Variants in THSD7B observed in about 807,000 individuals in gnomAD.
THSD7B encodes the protein thrombospondin type-1 domain-containing protein 7B.
Under a neutral mutation model 213.6 loss-of-function variants are expected in THSD7B, and 138 were observed. The observed-to-expected ratio is 0.65, with a 90% CI of 0.56 to 0.74. THSD7B has a LOEUF of 0.74. Ranked by LOEUF, THSD7B falls within the 30% of genes least tolerant of loss-of-function variation. THSD7B has a pLI of 0.00. For missense variants in THSD7B, 1,931 were observed against 1,991.5 expected, an observed-to-expected ratio of 0.97 and a Z score of 0.58; for synonymous variants, 742 against 687.0, an observed-to-expected ratio of 1.08 and a Z score of -1.25.
rs886065843 is a variant in THSD7B, at chr2:137,109,776, C to T, written c.1200-5348C>T. Among the ~76,000 whole-genome samples the T allele has an allele frequency of 4.2e-5, 4 of 95,436 alleles. No homozygotes were observed. The South Asian group carries it at 9.1e-4, about 22-fold the overall frequency. 62.6% of individuals were successfully genotyped at this position (95,436 alleles called of 152,430 possible). On this transcript the variant is annotated intron_variant, in intron 4 of 27. Coordinates refer to ENST00000409968, the MANE Select transcript of THSD7B (RefSeq NM_001316349.2). ...TCACTTGCTCACCTGCTGCTCACCT[C>T]CTGCTGTGAGACCTGGTTCCTAACA...
chr2:136,876,858 G>A (rs1683533305), intron 1 of THSD7B, among the ~76,000 whole-genome samples: 1 of 152,170 alleles, frequency 6.6e-6, no homozygotes, highest in Non-Finnish European at 1.5e-5. Flanking sequence ...AGCAGAGCAG[G>A]CACTGATGGG....
Position 137,125,961 on chromosome 2 carries a change from TTGTTTTC to T in THSD7B, c.1369+10671_1369+10677del, listed in dbSNP as rs562741798. On this transcript the variant is annotated intron_variant, in intron 5 of 27. Coordinates refer to ENST00000409968, the MANE Select transcript of THSD7B (RefSeq NM_001316349.2). ...AGTAATAGTCTGAAGGGAATCTCTT[TTGTTTTC>T]TGAGCAGTAGGCCTCAACAGTGGGC... Among the ~76,000 whole-genome samples the T allele has an allele frequency of 1.1e-3, 169 of 152,310 alleles. 1 individual carries two copies. The East Asian group carries it at 0.026, about 24-fold the overall frequency.
chr2:137,513,948 C>T (rs1680018903), intron 15 of THSD7B, among the ~76,000 whole-genome samples: 3 of 152,202 alleles, frequency 2.0e-5, no homozygotes, highest in African/African-American at 7.2e-5. Context: ...TTATATGCCT[C>T]AAAGTAGCAA....
At chr2:137,657,888 TGTTTAGTACAGACAG>T (rs1683268954) in intron 24 of THSD7B, among the ~76,000 whole-genome samples, 1 of 152,006 alleles carries the variant, frequency 6.6e-6, no homozygotes. Context: ...CTAATTTTTG[TGTTTAGTACAGACAG>T]GGTTTCACCA....
At chr2:136,979,123 A>G (rs556618537) in intron 2 of THSD7B, among the ~76,000 whole-genome samples, 4 of 151,998 alleles carry the variant, frequency 2.6e-5, no homozygotes, top group East Asian at 1.9e-4. Flanking sequence ...TTGGCTCCCA[A>G]TCTCTTCTGG....
intron 5 of THSD7B, among the ~76,000 whole-genome samples, chr2:137,157,247 C>T (rs1356568077): frequency 3.3e-5 from 5 of 152,182 alleles, no homozygotes; most frequent in Non-Finnish European, 7.3e-5. Flanking sequence ...CAGACGCCTA[C>T]GATTCATTGT....
At chr2:137,012,912 C>T (rs1162000881) in intron 2 of THSD7B, among the ~76,000 whole-genome samples, 2 of 152,168 alleles carry the variant, frequency 1.3e-5, no homozygotes, top group African/African-American at 4.8e-5. Context: ...ACAGAAACTA[C>T]CTGGAGTATA....
chr2:136,882,416 C>T (rs1683641773), intron 2 of THSD7B, 99 bp downstream of exon 2: 25 of 1,227,306 alleles, frequency 2.0e-5, no homozygotes, highest in Non-Finnish European at 2.3e-5. Context: ...TGGGAAATAT[C>T]CAGAGAGGAA....
chr2:136,889,810 A>G (rs1174098203), intron 2 of THSD7B, among the ~76,000 whole-genome samples: 1 of 152,282 alleles, frequency 6.6e-6, no homozygotes, highest in East Asian at 1.9e-4. Context: ...CATCTGTGGA[A>G]CATCCTTTTG....
intron 2 of THSD7B, among the ~76,000 whole-genome samples, chr2:136,936,699 GA>G (rs1258327717): frequency 6.6e-6 from 1 of 152,024 alleles, no homozygotes; most frequent in African/African-American, 2.4e-5. Context: ...GAGGGATAAA[GA>G]CTACAAGTAG....
intron 27 of THSD7B, among the ~76,000 whole-genome samples, chr2:137,675,860 C>T (rs941850696): frequency 1.3e-5 from 2 of 152,066 alleles, no homozygotes; most frequent in African/African-American, 4.8e-5. Context: ...GTTAAGATTT[C>T]CCCATACTAA....
chr2:137,332,223 T>A (rs1684528926), intron 12 of THSD7B, among the ~76,000 whole-genome samples: 1 of 152,126 alleles, frequency 6.6e-6, no homozygotes, highest in African/African-American at 2.4e-5. Context: ...ACAGAGCAGC[T>A]GAAGGCCATT....
chr2:136,820,362 C>T (rs1409450865), intron 1 of THSD7B, among the ~76,000 whole-genome samples: 1 of 152,186 alleles, frequency 6.6e-6, no homozygotes, highest in East Asian at 1.9e-4. Flanking sequence ...TCAAATTCAG[C>T]ATTCCCAACA....
At chr2:137,145,520 T>G (rs1193253163) in intron 5 of THSD7B, among the ~76,000 whole-genome samples, 1 of 152,062 alleles carries the variant, frequency 6.6e-6, no homozygotes, top group Non-Finnish European at 1.5e-5. Flanking sequence ...TGTGCCAAAT[T>G]GAGTTCATTA....
intron 24 of THSD7B, 142 bp from the exon 25 acceptor site, chr2:137,659,522 G>T (rs147749072): frequency 7.8e-5 from 55 of 701,816 alleles, no homozygotes; most frequent in African/African-American, 7.6e-4. Context: ...AATAGGCTTG[G>T]ACCACAATGT....
chr2:136,911,437 A>G (rs1684256075), intron 2 of THSD7B, among the ~76,000 whole-genome samples: 1 of 152,202 alleles, frequency 6.6e-6, no homozygotes. Flanking sequence ...CCTTAAGCAT[A>G]CATCCAAATT....
intron 7 of THSD7B, among the ~76,000 whole-genome samples, chr2:137,189,177 T>A (rs973554814): frequency 2.0e-5 from 3 of 152,162 alleles, no homozygotes; most frequent in South Asian, 2.1e-4. Context: ...GCTGCTGCTT[T>A]GTTAGGCAGA....
chr2:137,080,374 T>G (rs1198335226), intron 3 of THSD7B, among the ~76,000 whole-genome samples: 1 of 143,956 alleles, frequency 6.9e-6, no homozygotes, highest in Non-Finnish European at 1.5e-5. Context: ...GCTGTTTTTT[T>G]TTTTTTTTTT....
chr2:136,779,198 ATGTGTGTGTGTG>A (rs199689020), intron 1 of THSD7B, among the ~76,000 whole-genome samples: 14 of 55,142 alleles, frequency 2.5e-4, no homozygotes, highest in Non-Finnish European at 3.2e-4. Flanking sequence ...ATATATATAT[ATGTGTGTGTGTG>A]TGTGTGTGTG....
Sources: allele counts gnomAD v4.1 joint callset (sites outside exome capture counted in the v4.1 genomes callset), GRCh38; gene constraint gnomAD v4.1.1; transcripts MANE v1.5; gene names NCBI Gene and HGNC (gene_info 2026-07-23, HGNC 2026-07-21).